The following AOPEP variants were observed in gnomAD, a reference collection of about 807,000 sequenced individuals.
AOPEP encodes the protein aminopeptidase O (putative).
In AOPEP, 77 loss-of-function variants were observed where a neutral mutation model predicts 98.1. The ratio of observed to expected loss-of-function variants is 0.78; its 90% CI spans 0.65 to 0.95. AOPEP has a LOEUF of 0.95. AOPEP is among the 40% of genes least tolerant of loss of function. The pLI is 0.00. For missense variants in AOPEP, 1,024 were observed against 1,024.7 expected (o/e 1.00, Z 0.01); for synonymous variants, 346 against 365.3 (o/e 0.95, Z 0.60).
intron 5 of AOPEP, among the ~76,000 whole-genome samples, chr9:94,815,699 C>T (rs576310968): frequency 6.6e-6 from 1 of 152,296 alleles, no homozygotes; most frequent in African/African-American, 2.4e-5. Flanking sequence ...AAGCAGCAAC[C>T]ATTGCCTGCA....
intron 5 of AOPEP, among the ~76,000 whole-genome samples, chr9:94,907,606 C>T (rs1588830197): frequency 6.6e-6 from 1 of 151,596 alleles, no homozygotes; most frequent in Non-Finnish European, 1.5e-5. Context: ...GCACACCCTC[C>T]CCCACACCAG....
the AOPEP span, chr9:95,110,436 G>A: frequency 4.9e-6 from 5 of 1,023,488 alleles, no homozygotes; most frequent in Non-Finnish European, 4.7e-6. Flanking sequence ...TTAGCTTAAC[G>A]TGATCTTTTA....
At chr9:94,782,323 A>G (rs1045465411) in intron 3 of AOPEP, among the ~76,000 whole-genome samples, 3 of 152,226 alleles carry the variant, frequency 2.0e-5, no homozygotes, top group Non-Finnish European at 2.9e-5. Context: ...TGAACAAGTG[A>G]AAGGTGTTAA....
At chr9:94,947,015 C>T (rs1291474211) in intron 7 of AOPEP, among the ~76,000 whole-genome samples, 4 of 149,794 alleles carry the variant, frequency 2.7e-5, no homozygotes, top group African/African-American at 9.8e-5. Flanking sequence ...CTCGCTCTGT[C>T]GCCCAGGCTG....
At chr9:95,107,644 C>A in the AOPEP span, 1 of 389,536 alleles carries the variant, frequency 2.6e-6, no homozygotes, top group South Asian at 2.5e-5. Context: ...TAAAGCCCCA[C>A]GCAGTCAGAC....
chr9:94,932,329 T>C (rs2055467344), intron 7 of AOPEP: 1 of 970,724 alleles, frequency 1.0e-6, no homozygotes, highest in South Asian at 4.8e-5. Flanking sequence ...TACTGGAGTA[T>C]TAACAAAGTG....
At chr9:95,133,555 T>C in the AOPEP span, among the ~76,000 whole-genome samples, 1 of 152,226 alleles carries the variant, frequency 6.6e-6, no homozygotes, top group Non-Finnish European at 1.5e-5. Context: ...TTGCATCTGC[T>C]GTGCTCACCA....
chr9:94,925,490 C>T (rs1160485490), intron 6 of AOPEP, among the ~76,000 whole-genome samples: 3 of 152,228 alleles, frequency 2.0e-5, no homozygotes, highest in Admixed American at 6.5e-5. Context: ...GCTGATTACC[C>T]GGCTCACAAT....
chr9:94,987,516 C>G (rs947115267), intron 11 of AOPEP, among the ~76,000 whole-genome samples: 5 of 152,174 alleles, frequency 3.3e-5, no homozygotes, highest in African/African-American at 1.2e-4. Context: ...CGGGTAGCAT[C>G]CCAGCCCCAG....
chr9:95,130,299 T>TGTGAGAGAGA, the AOPEP span, among the ~76,000 whole-genome samples: 1 of 149,192 alleles, frequency 6.7e-6, no homozygotes, highest in African/African-American at 2.5e-5. Flanking sequence ...TGTGTGTGTG[T>TGTGAGAGAGA]GAGAGAGAGA....
At chr9:95,083,455 C>T (rs28626189) in intron 16 of AOPEP, among the ~76,000 whole-genome samples, 32,644 of 149,750 alleles carry the variant, frequency 0.22, 4,523 homozygotes, top group Non-Finnish European at 0.32. Flanking sequence ...AAACAGCGCA[C>T]GCACCACACA....
intron 5 of AOPEP, among the ~76,000 whole-genome samples, chr9:94,901,765 C>T (rs2050434047): frequency 6.6e-6 from 1 of 152,070 alleles, no homozygotes; most frequent in African/African-American, 2.4e-5. Flanking sequence ...CATAGCAAAA[C>T]CCCGTCCTTA....
At chr9:95,109,724 G>A in the AOPEP span, 25 of 152,146 alleles carry the variant, frequency 1.6e-4, no homozygotes, top group African/African-American at 5.6e-4. Context: ...CACACGATGC[G>A]GGGATACGCC....
intron 1 of AOPEP, among the ~76,000 whole-genome samples, chr9:94,750,936 A>G (rs2132212679): frequency 6.6e-6 from 1 of 151,768 alleles, no homozygotes; most frequent in South Asian, 2.1e-4. Flanking sequence ...TTTAGTAGAG[A>G]TGAGGTTTCA....
the AOPEP span, among the ~76,000 whole-genome samples, chr9:95,135,791 A>AT: frequency 6.6e-6 from 1 of 152,386 alleles, no homozygotes; most frequent in Admixed American, 6.5e-5. Context: ...AGAGGGAGCG[A>AT]TAAAAAACGG....
intron 11 of AOPEP, among the ~76,000 whole-genome samples, chr9:94,997,790 C>G (rs1030509975): frequency 6.6e-6 from 1 of 152,174 alleles, no homozygotes; most frequent in Non-Finnish European, 1.5e-5. Flanking sequence ...AACTCCAGGG[C>G]TCAAGCGATA....
chr9:94,809,460 A>G (rs1402026443), intron 5 of AOPEP, among the ~76,000 whole-genome samples: 1 of 152,200 alleles, frequency 6.6e-6, no homozygotes, highest in Admixed American at 6.5e-5. Flanking sequence ...ACTTTGGGAG[A>G]TGATTCTATT....
At position 94,773,074 on chromosome 9, in the gene AOPEP, CA is replaced by C. The variant is rs1161390245; in HGVS notation, c.871del (p.Met291CysfsTer17). On this transcript the variant is annotated frameshift_variant, in exon 3 of 17. Transcript: ENST00000375315. LOFTEE classifies it high-confidence loss of function. ...TTCCATGCCAGGAGCCACCCGTTGCCATGTCAACATGGCAGGCTACAGTTCG... is the reference window on the plus strand; with the variant it reads ...TTCCATGCCAGGAGCCACCCGTTGCCTGTCAACATGGCAGGCTACAGTTCG... Reference protein sequence around the residue: ...LFPCQEPPVAMSTWQATVRAA... With the variant: ...LFPCQEPPVAXSTWQATVRAA... 2.5e-6 allele frequency: 4 copies of C among 1,613,964 alleles called. No individual in the cohort carries two copies. In the East Asian group the frequency reaches 6.7e-5, roughly 27 times the overall value.
intron 2 of AOPEP, among the ~76,000 whole-genome samples, chr9:94,763,675 G>A (rs1301719023): frequency 6.6e-6 from 1 of 152,158 alleles, no homozygotes; most frequent in African/African-American, 2.4e-5. Flanking sequence ...GGAGCATCTT[G>A]TAATGTCAGA....
Sources: allele counts gnomAD v4.1 joint callset (sites outside exome capture counted in the v4.1 genomes callset), GRCh38; gene constraint gnomAD v4.1.1; transcripts MANE v1.5; gene names NCBI Gene and HGNC (gene_info 2026-07-23, HGNC 2026-07-21).